Variants in ANK3 observed in about 807,000 individuals in gnomAD.
The protein encoded by ANK3 is ankyrin 3.
A neutral mutation model predicts 370.9 loss-of-function variants in ANK3; 57 were observed. That is an observed-to-expected ratio of 0.15 (90% CI 0.12 to 0.19). The LOEUF is 0.19. Ranked by LOEUF, ANK3 falls within the 10% of genes least tolerant of loss-of-function variation. The pLI is 1.00. For synonymous variants in ANK3, 1,929 were observed against 1,946.3 expected, an observed-to-expected ratio of 0.99 and a Z score of 0.23; for missense variants, 4,439 against 5,302.1, an observed-to-expected ratio of 0.84 and a Z score of 5.06.
chr10:60,194,323 A>G (rs2096547487), intron 16 of ANK3, among the ~76,000 whole-genome samples: 1 of 152,212 alleles, frequency 6.6e-6, no homozygotes, highest in African/African-American at 2.4e-5. Context: ...GTGTATTCAC[A>G]TTGTTCTCCA....
At chr10:60,701,623 C>A (rs946097172) in intron 1 of ANK3, among the ~76,000 whole-genome samples, 1 of 152,050 alleles carries the variant, frequency 6.6e-6, no homozygotes, top group Admixed American at 6.6e-5. Flanking sequence ...GTAAAAACAG[C>A]AAGATGGGGT....
intron 39 of ANK3, 78 bp from the exon 40 acceptor site, chr10:60,063,332 G>T: frequency 7.1e-7 from 1 of 1,412,984 alleles, no homozygotes; most frequent in Non-Finnish European, 9.4e-7. Flanking sequence ...ACAAAGGCAT[G>T]GCTTTTGCAG....
intron 28 of ANK3, among the ~76,000 whole-genome samples, chr10:60,093,267 G>A (rs974565316): frequency 6.6e-6 from 1 of 152,200 alleles, no homozygotes; most frequent in Non-Finnish European, 1.5e-5. Context: ...TGTTTAAATC[G>A]CTATACAACA....
At chr10:60,687,039 A>T (rs886732727) in intron 1 of ANK3, among the ~76,000 whole-genome samples, 12 of 152,202 alleles carry the variant, frequency 7.9e-5, no homozygotes, top group African/African-American at 2.7e-4. Context: ...GTACAGTAAC[A>T]TGCTGTACAG....
At chr10:60,368,085 T>C (rs2059628484) in intron 1 of ANK3, among the ~76,000 whole-genome samples, 1 of 152,196 alleles carries the variant, frequency 6.6e-6, no homozygotes, top group African/African-American at 2.4e-5. Flanking sequence ...AGTAGCCCTG[T>C]ATCCTAGAAT....
chr10:60,430,761 T>C (rs2064001423), intron 2 of ANK3, among the ~76,000 whole-genome samples: 1 of 152,056 alleles, frequency 6.6e-6, no homozygotes, highest in Non-Finnish European at 1.5e-5. Context: ...CTAAGTTTTA[T>C]GGAGTTTTAA....
intron 4 of ANK3, among the ~76,000 whole-genome samples, chr10:60,271,077 ATT>A (rs1238616711): frequency 6.6e-6 from 1 of 152,100 alleles, no homozygotes; most frequent in Non-Finnish European, 1.5e-5. Context: ...TTGTATATAT[ATT>A]TTTTCTCTAG....
At chr10:60,632,143 C>T (rs1045234168) in intron 1 of ANK3, among the ~76,000 whole-genome samples, 6 of 150,070 alleles carry the variant, frequency 4.0e-5, no homozygotes, top group Non-Finnish European at 5.9e-5. Flanking sequence ...CAAAATCAGA[C>T]ATTCAGCTCA....
intron 7 of ANK3, among the ~76,000 whole-genome samples, chr10:60,237,822 C>T (rs956369391): frequency 2.6e-5 from 4 of 152,112 alleles, no homozygotes; most frequent in African/African-American, 9.7e-5. Context: ...TCTGTAATTT[C>T]ATTTTACCCT....
chr10:60,628,236 A>G (rs779384646), intron 1 of ANK3, among the ~76,000 whole-genome samples: 33 of 152,114 alleles, frequency 2.2e-4, no homozygotes, highest in Non-Finnish European at 4.3e-4. Context: ...GGTGAACGTC[A>G]TTGTTCCAGA....
At position 60,063,229 on chromosome 10, in the gene ANK3, T is replaced by G; in HGVS notation, c.12477A>C (p.Thr4159=). The part of the protein sequence containing the change: ...ATTDALTSVL[T]KINRIDIVTL... ...TCACTATATCTATTCGATTAATTTT[T>G]GTCAAGACCGAAGTTAAGGCATCAG... is the stretch of plus-strand genomic sequence containing the variant. Residue 4159 remains threonine (T), a synonymous_variant, in exon 40 of 44, where the codon ACA becomes ACC. Coordinates refer to ENST00000280772, the MANE Select transcript of ANK3 (RefSeq NM_020987.5). 1.2e-6 allele frequency: 2 copies of G among 1,608,366 alleles called. No homozygotes were observed. Among genetic ancestry groups the G allele is most frequent in the Non-Finnish European group, 1.7e-6 (2 of 1,178,276 alleles).
chr10:60,323,197 G>A (rs951942793), intron 1 of ANK3, among the ~76,000 whole-genome samples: 1 of 152,106 alleles, frequency 6.6e-6, no homozygotes, highest in Non-Finnish European at 1.5e-5. Context: ...ATCTCTCTGG[G>A]GAACTCTGAG....
intron 2 of ANK3, among the ~76,000 whole-genome samples, chr10:60,431,027 C>T (rs753881351): frequency 2.0e-5 from 3 of 152,146 alleles, no homozygotes; most frequent in Non-Finnish European, 4.4e-5. Context: ...AATTTTTCCA[C>T]GGACCAGGAG....
intron 1 of ANK3, among the ~76,000 whole-genome samples, chr10:60,661,893 C>T (rs1430045855): frequency 6.6e-6 from 1 of 152,124 alleles, no homozygotes; most frequent in Non-Finnish European, 1.5e-5. Flanking sequence ...GACTCAAACA[C>T]TAGTATGCAC....
At chr10:60,576,363 C>T (rs1444464465) in intron 2 of ANK3, among the ~76,000 whole-genome samples, 1 of 152,152 alleles carries the variant, frequency 6.6e-6, no homozygotes, top group Non-Finnish European at 1.5e-5. Context: ...TCTCGTAGAA[C>T]AGATCTATTT....
intron 8 of ANK3, among the ~76,000 whole-genome samples, chr10:60,228,623 A>ATAAAT (rs1289013198): frequency 6.6e-6 from 1 of 151,948 alleles, no homozygotes; most frequent in Non-Finnish European, 1.5e-5. Flanking sequence ...TTTAGTATTC[A>ATAAAT]TAATTTACAA....
intron 1 of ANK3, among the ~76,000 whole-genome samples, chr10:60,727,752 C>T (rs1452337584): frequency 6.6e-6 from 1 of 152,068 alleles, no homozygotes; most frequent in African/African-American, 2.4e-5. Context: ...TAAGGATCTA[C>T]TTGGCATTTA....
rs753906347 is a variant in ANK3 at position 60,208,227 on chromosome 10, A to G, written c.1003T>C (p.Leu335=). The G allele has an allele frequency of 6.2e-7, 1 of 1,613,410 alleles. No individual in the cohort carries two copies. Among genetic ancestry groups the G allele is most frequent in the African/African-American group, 1.3e-5 (1 of 75,044 alleles). Residue 335 remains leucine (L), a synonymous_variant, in exon 10 of 44, where the codon TTA becomes CTA. Coordinates refer to ENST00000280772, the MANE Select transcript of ANK3 (RefSeq NM_020987.5). ...TGTGTGGCCATGTGCAATGGAGATA[A>G]TCCATTCTGGAACACATAAAGAAAT... ...APILSKTKNG[L]SPLHMATQGD...
chr10:60,168,825 G>A (rs529794790), intron 21 of ANK3, among the ~76,000 whole-genome samples: 2 of 152,108 alleles, frequency 1.3e-5, no homozygotes, highest in Non-Finnish European at 2.9e-5. Flanking sequence ...TTAGTTTGCT[G>A]AGGATAACAG....
Sources: allele counts gnomAD v4.1 joint callset (sites outside exome capture counted in the v4.1 genomes callset), GRCh38; gene constraint gnomAD v4.1.1; transcripts MANE v1.5; gene names NCBI Gene and HGNC (gene_info 2026-07-23, HGNC 2026-07-21).